ITPR2: variants seen among roughly 807,000 people sequenced by gnomAD.
ITPR2 encodes inositol 1,4,5-trisphosphate-gated calcium channel ITPR2.
Under a neutral mutation model 317.1 loss-of-function variants are expected in ITPR2, and 207 were observed. That is an observed-to-expected ratio of 0.65 (90% CI 0.58 to 0.73). The LOEUF (loss-of-function observed/expected upper bound fraction) is 0.73, where lower values mean the gene tolerates loss of function less well. ITPR2 is among the 30% of genes least tolerant of loss of function. The pLI is 0.00. For missense variants in ITPR2, 2,613 were observed against 3,284.0 expected (o/e 0.80, Z 4.99); for synonymous variants, 1,156 against 1,149.1 (o/e 1.01, Z -0.12).
At chr12:26,725,837 A>C in intron 2 of ITPR2, 72 bp from the exon 3 acceptor site, 4 of 994,696 alleles carry the variant, frequency 4.0e-6, no homozygotes, top group Non-Finnish European at 6.3e-6. Flanking sequence ...CTTATAGCTC[A>C]GCTTTTGAAT....
chr12:26,696,228 C>G (rs1039278565), intron 9 of ITPR2, among the ~76,000 whole-genome samples: 2 of 152,012 alleles, frequency 1.3e-5, no homozygotes, highest in Non-Finnish European at 2.9e-5. Context: ...GAGTACAGAC[C>G]CTTGCATCAT....
At chr12:26,648,135 T>C (rs1459461989) in intron 21 of ITPR2, among the ~76,000 whole-genome samples, 1 of 152,180 alleles carries the variant, frequency 6.6e-6, no homozygotes, top group Admixed American at 6.5e-5. Context: ...CAGCCATCTC[T>C]ACAACCTCAA....
intron 46 of ITPR2, among the ~76,000 whole-genome samples, 176 bp from the exon 47 acceptor site, chr12:26,439,495 T>TA (rs905945692): frequency 5.9e-5 from 9 of 152,192 alleles, no homozygotes; most frequent in Admixed American, 3.3e-4. Flanking sequence ...TTTTTCTCTT[T>TA]AAAAAAGAGA....
chr12:26,351,217 G>A (rs1485821911), intron 55 of ITPR2, among the ~76,000 whole-genome samples: 2 of 152,170 alleles, frequency 1.3e-5, no homozygotes, highest in Non-Finnish European at 2.9e-5. Context: ...ACTCAGAGAG[G>A]GGAGGTGGAG....
chr12:26,774,773 T>C lies in ITPR2; in HGVS notation c.163+15384A>G, dbSNP rs1949928750. Among the ~76,000 whole-genome samples, 5 of 152,246 alleles carry C rather than the reference T, an allele frequency of 3.3e-5. No homozygotes were observed. The South Asian group carries it at 1.0e-3, about 32-fold the overall frequency. Reference sequence around the variant, plus strand: ...CGAACAGCTTCCCACCTCAACTTCCTGGATCTCTCTTTTTCTCTGCATGAG... The same window carrying C: ...CGAACAGCTTCCCACCTCAACTTCCCGGATCTCTCTTTTTCTCTGCATGAG... On this transcript the variant is annotated intron_variant, in intron 2 of 56. Transcript: ENST00000381340.
chr12:26,546,972 C>G (rs1944405598), intron 37 of ITPR2, among the ~76,000 whole-genome samples: 1 of 152,094 alleles, frequency 6.6e-6, no homozygotes, highest in East Asian at 1.9e-4. Flanking sequence ...AGGGAAAACT[C>G]TCTTGGAAAT....
chr12:26,597,079 G>A lies in ITPR2; in HGVS notation c.4058C>T (p.Pro1353Leu), dbSNP rs1468290584. The A allele has an allele frequency of 1.2e-6, 2 of 1,613,798 alleles. No homozygotes were observed. Among genetic ancestry groups the A allele is most frequent in the Admixed American group, 3.3e-5 (2 of 60,008 alleles). The change falls in exon 31 of 57, where the codon CCA becomes CTA. Residue 1353 changes from proline (P) to leucine (L), a missense_variant. By Grantham distance (98) the Pro-to-Leu change is moderately conservative. This residue lies in a region of ITPR2 where 817 missense variants were observed against 897.6 expected (regional missense o/e 0.91). Transcript: ENST00000381340. Reference sequence around the variant, plus strand: ...TGAACACATCATATGGAGAAGGATTGGAAATGATGCTCTATCATTGTAAAA... The same window carrying A: ...TGAACACATCATATGGAGAAGGATTAGAAATGATGCTCTATCATTGTAAAA... The part of the protein sequence containing the change: ...LIFYNDRASF[P>L]ILLHMMCSER...
intron 26 of ITPR2, among the ~76,000 whole-genome samples, chr12:26,619,770 T>C (rs1408130675): frequency 1.3e-5 from 2 of 152,190 alleles, no homozygotes; most frequent in Admixed American, 1.3e-4. Context: ...CATTTTATTG[T>C]ATATATTTTC....
At chr12:26,795,071 A>C (rs1950408297) in intron 1 of ITPR2, among the ~76,000 whole-genome samples, 1 of 152,264 alleles carries the variant, frequency 6.6e-6, no homozygotes, top group Non-Finnish European at 1.5e-5. Context: ...ATCTAAAATT[A>C]GAAAGCACAA....
chr12:26,357,701 G>A (rs1450370356), intron 55 of ITPR2, among the ~76,000 whole-genome samples: 1 of 152,236 alleles, frequency 6.6e-6, no homozygotes, highest in Non-Finnish European at 1.5e-5. Context: ...AACTTGTGCG[G>A]TCTGCACTAA....
intron 5 of ITPR2, chr12:26,721,284 A>G: frequency 1.7e-6 from 1 of 596,760 alleles, no homozygotes; most frequent in Non-Finnish European, 3.1e-6. Flanking sequence ...ACCAAACCTT[A>G]CCAAAGGAAG....
At chr12:26,548,573 G>A (rs1192283408) in intron 37 of ITPR2, among the ~76,000 whole-genome samples, 1 of 152,178 alleles carries the variant, frequency 6.6e-6, no homozygotes, top group African/African-American at 2.4e-5. Context: ...TTAATAGTTT[G>A]CTGACAACAT....
intron 43 of ITPR2, among the ~76,000 whole-genome samples, chr12:26,478,929 C>T (rs1381230917): frequency 6.6e-6 from 1 of 151,810 alleles, no homozygotes; most frequent in Non-Finnish European, 1.5e-5. Context: ...CAATTAAATT[C>T]AGGAATGAAT....
At chr12:26,385,677 G>C (rs1369003201) in intron 55 of ITPR2, among the ~76,000 whole-genome samples, 2 of 151,998 alleles carry the variant, frequency 1.3e-5, no homozygotes, top group African/African-American at 4.8e-5. Context: ...AGTGAAACTG[G>C]GCAACTCACG....
chr12:26,494,468 T>C, intron 38 of ITPR2, 128 bp from the exon 39 acceptor site: 1 of 620,776 alleles, frequency 1.6e-6, no homozygotes, highest in Non-Finnish European at 2.4e-6. Context: ...CCTACAAAGT[T>C]AAATATAATA....
chr12:26,597,239 A>C, intron 30 of ITPR2, 105 bp from the exon 31 acceptor site: 1 of 1,249,266 alleles, frequency 8.0e-7, no homozygotes, highest in Non-Finnish European at 1.1e-6. Context: ...CTTCGTAAAA[A>C]CATATATAAT....
intron 46 of ITPR2, among the ~76,000 whole-genome samples, chr12:26,442,657 T>A (rs565363438): frequency 3.3e-5 from 5 of 152,192 alleles, no homozygotes; most frequent in African/African-American, 1.2e-4. Context: ...TTCCACTAAG[T>A]CAAGTCCAAC....
At chr12:26,423,525 T>C (rs536609490) in intron 49 of ITPR2, among the ~76,000 whole-genome samples, 73 of 152,302 alleles carry the variant, frequency 4.8e-4, no homozygotes, top group African/African-American at 1.6e-3. Flanking sequence ...GTTTAAAAGA[T>C]CTTTTTGTAA....
At chr12:26,621,378 G>GAAA in intron 25 of ITPR2, 82 bp from the exon 26 acceptor site, 17 of 1,043,376 alleles carry the variant, frequency 1.6e-5, no homozygotes, top group Non-Finnish European at 2.4e-5. Context: ...TATTGACCAT[G>GAAA]AAAACCTACC....
Sources: gnomAD v4.1 joint callset for allele counts (sites outside exome capture counted in the v4.1 genomes callset) on GRCh38, gnomAD v4.1.1 for gene constraint, gnomAD v4.1.1 regional missense constraint, MANE v1.5 for transcripts, NCBI Gene and HGNC (gene_info 2026-07-23, HGNC 2026-07-21) for gene names.